Variants in MAGI3 observed in about 807,000 individuals in gnomAD.
MAGI3 encodes the protein membrane associated guanylate kinase, WW and PDZ domain containing 3.
MAGI3 carries 43 observed loss-of-function variants against 121.8 expected under a neutral mutation model. The ratio of observed to expected loss-of-function variants is 0.35; its 90% CI spans 0.28 to 0.46. MAGI3 has a LOEUF of 0.46. MAGI3 is among the 20% of genes least tolerant of loss of function. The pLI, the probability that MAGI3 is intolerant of heterozygous loss-of-function variation, is 1.00. For missense variants in MAGI3, 1,547 were observed against 1,797.3 expected, an observed-to-expected ratio of 0.86 and a Z score of 2.52; for synonymous variants, 553 against 639.3, an observed-to-expected ratio of 0.86 and a Z score of 2.04.
chr1:113,454,985 G>A (rs185680278), intron 1 of MAGI3, among the ~76,000 whole-genome samples: 196 of 152,266 alleles, frequency 1.3e-3, no homozygotes, highest in Non-Finnish European at 2.2e-3. Context: ...TAGAACCAGA[G>A]AAGGCATACG....
intron 1 of MAGI3, among the ~76,000 whole-genome samples, chr1:113,412,817 T>C (rs999927802): frequency 3.3e-5 from 5 of 152,268 alleles, no homozygotes; most frequent in African/African-American, 1.2e-4. Context: ...TTTTCTCCCA[T>C]TCTGTAGGTT....
At chr1:113,433,215 A>G (rs1417574503) in intron 1 of MAGI3, among the ~76,000 whole-genome samples, 2 of 152,130 alleles carry the variant, frequency 1.3e-5, no homozygotes, top group Admixed American at 6.5e-5. Context: ...AGTTGGCATT[A>G]TGTTGAGCTT....
intron 11 of MAGI3, 137 bp from the exon 12 acceptor site, chr1:113,646,349 G>A (rs1372222558): frequency 1.6e-6 from 1 of 610,644 alleles, no homozygotes; most frequent in African/African-American, 1.8e-5. Context: ...TCCTGTAACT[G>A]TAAATCTGCT....
intron 1 of MAGI3, among the ~76,000 whole-genome samples, chr1:113,516,443 A>G (rs1482438816): frequency 6.6e-6 from 1 of 151,180 alleles, no homozygotes; most frequent in Non-Finnish European, 1.5e-5. Flanking sequence ...TTATAAGAGT[A>G]TGCCAAAGGG....
chr1:113,587,597 T>C (rs1291827583), intron 4 of MAGI3, among the ~76,000 whole-genome samples: 2 of 152,188 alleles, frequency 1.3e-5, no homozygotes, highest in Admixed American at 6.5e-5. Flanking sequence ...CACCAGTATG[T>C]TTATTATTTT....
At chr1:113,650,560 T>C (rs1653102382) in intron 13 of MAGI3, among the ~76,000 whole-genome samples, 1 of 152,214 alleles carries the variant, frequency 6.6e-6, no homozygotes, top group Non-Finnish European at 1.5e-5. Flanking sequence ...GTGCTGTGTA[T>C]ATTGAACTTG....
At chr1:113,399,486 A>C (rs6537789) in intron 1 of MAGI3, among the ~76,000 whole-genome samples, 144,358 of 152,182 alleles carry the variant, frequency 0.95, 68,507 homozygotes, top group East Asian at 0.99. Context: ...TGGAGGCCAG[A>C]AGTAGTACAC....
At chr1:113,666,030 T>C (rs1301265625) in intron 16 of MAGI3, among the ~76,000 whole-genome samples, 1 of 152,156 alleles carries the variant, frequency 6.6e-6, no homozygotes, top group African/African-American at 2.4e-5. Context: ...TAAAAAACAA[T>C]ATACATACCT....
chr1:113,406,098 G>A (rs555002198), intron 1 of MAGI3, among the ~76,000 whole-genome samples: 2 of 151,578 alleles, frequency 1.3e-5, no homozygotes, highest in East Asian at 3.9e-4. Context: ...ATTTGAACTG[G>A]ATTGCATTTA....
intron 9 of MAGI3, among the ~76,000 whole-genome samples, chr1:113,633,683 C>A (rs1362122379): frequency 1.3e-5 from 2 of 152,122 alleles, no homozygotes; most frequent in African/African-American, 4.8e-5. Context: ...GTGAATAGTG[C>A]CACAATAAAC....
Position 113,658,956 on chromosome 1 carries a change from TTTCTG to T in MAGI3, c.2630-121_2630-117del. The T allele has an allele frequency of 1.2e-6, 1 of 844,688 alleles. No individual in the cohort carries two copies. The highest frequency in any genetic ancestry group is 1.9e-6 in the Non-Finnish European group (1 of 538,392). The allele number at this position is 844,688 out of a possible 1,614,324, so 52.3% of individuals were successfully genotyped here. Reference sequence around the variant, plus strand: ...GGATGCGATGATGACGTGTGGTACTTTTCTGTTATGTTTTTAAATAATTTTCTTTG... The same window carrying T: ...GGATGCGATGATGACGTGTGGTACTTTTATGTTTTTAAATAATTTTCTTTG... On this transcript the variant is annotated intron_variant, in intron 15 of 20. Coordinates refer to ENST00000307546, the MANE Select transcript of MAGI3 (RefSeq NM_001142782.2). This position sits in a 1 kb window ranked among gnomAD's most constrained non-coding sequence, Gnocchi z 4.0.
At chr1:113,583,979 C>G (rs868271037) in intron 3 of MAGI3, among the ~76,000 whole-genome samples, 9 of 152,222 alleles carry the variant, frequency 5.9e-5, no homozygotes, top group Non-Finnish European at 1.2e-4. Flanking sequence ...TGTTTTCCCC[C>G]TCAAAACATG....
At chr1:113,416,842 A>T (rs1570645451) in intron 1 of MAGI3, among the ~76,000 whole-genome samples, 1 of 152,040 alleles carries the variant, frequency 6.6e-6, no homozygotes. Flanking sequence ...TTCTATTCAA[A>T]TAAAAACGAC....
chr1:113,602,047 G>C (rs1484228063), intron 6 of MAGI3, among the ~76,000 whole-genome samples: 2 of 151,928 alleles, frequency 1.3e-5, no homozygotes, highest in Non-Finnish European at 2.9e-5. Context: ...ACAGGAAGGG[G>C]AACATCACAC....
At chr1:113,443,906 A>G (rs566467718) in intron 1 of MAGI3, among the ~76,000 whole-genome samples, 3 of 152,340 alleles carry the variant, frequency 2.0e-5, no homozygotes, top group Non-Finnish European at 2.9e-5. Flanking sequence ...TTTTTAGTGT[A>G]TTCACAAAGT....
At chr1:113,416,560 A>G (rs1391932464) in intron 1 of MAGI3, among the ~76,000 whole-genome samples, 1 of 142,862 alleles carries the variant, frequency 7.0e-6, no homozygotes, top group Non-Finnish European at 1.5e-5. Context: ...GTTAAAGATT[A>G]GCGTGGAAAC....
At chr1:113,557,441 G>A (rs548423998) in intron 2 of MAGI3, among the ~76,000 whole-genome samples, 27 of 152,338 alleles carry the variant, frequency 1.8e-4, no homozygotes, top group Non-Finnish European at 3.5e-4. Flanking sequence ...TTTTGTTGAG[G>A]TGTGGCCAGA....
chr1:113,454,205 T>C (rs777316015), intron 1 of MAGI3, among the ~76,000 whole-genome samples: 1 of 152,192 alleles, frequency 6.6e-6, no homozygotes, highest in Non-Finnish European at 1.5e-5. Context: ...TAATTATTAT[T>C]TGGGATGCAT....
intron 1 of MAGI3, among the ~76,000 whole-genome samples, chr1:113,484,159 A>C (rs1656240642): frequency 6.6e-6 from 1 of 152,202 alleles, no homozygotes; most frequent in Non-Finnish European, 1.5e-5. Flanking sequence ...GATTTACCAT[A>C]TGGGAAACTG....
Sources: gnomAD v4.1 joint callset for allele counts (sites outside exome capture counted in the v4.1 genomes callset) on GRCh38, gnomAD v4.1.1 for gene constraint, Gnocchi (gnomAD v3.1) non-coding constraint, MANE v1.5 for transcripts, NCBI Gene and HGNC (gene_info 2026-07-23, HGNC 2026-07-21) for gene names.